Variants in CPNE8 observed in about 807,000 individuals in gnomAD.
CPNE8 encodes copine 8, also known as copine-8.
A neutral mutation model predicts 81.5 loss-of-function variants in CPNE8; 45 were observed. That is an observed-to-expected ratio of 0.55 (90% CI 0.44 to 0.71). CPNE8 has a LOEUF of 0.71. CPNE8 is among the 30% of genes least tolerant of loss of function. CPNE8 has a pLI of 0.00. For missense variants in CPNE8, 594 were observed against 672.1 expected (o/e 0.88, Z 1.28); for synonymous variants, 252 against 226.3 (o/e 1.11, Z -1.02).
intron 6 of CPNE8, among the ~76,000 whole-genome samples, chr12:38,818,629 A>G (rs1175235316): frequency 2.0e-5 from 3 of 152,126 alleles, no homozygotes; most frequent in Non-Finnish European, 4.4e-5. Flanking sequence ...ATGATTTATA[A>G]TCCTTTGGGT....
At chr12:38,660,608 T>C (rs1235056341) in intron 19 of CPNE8, among the ~76,000 whole-genome samples, 3 of 151,980 alleles carry the variant, frequency 2.0e-5, no homozygotes, top group Non-Finnish European at 4.4e-5. Flanking sequence ...AAGCCAAAAT[T>C]GACAAATGGG....
At chr12:38,696,034 G>A (rs1246747831) in intron 14 of CPNE8, among the ~76,000 whole-genome samples, 1 of 152,064 alleles carries the variant, frequency 6.6e-6, no homozygotes, top group African/African-American at 2.4e-5. Context: ...TGACAATATG[G>A]CAAATACTTT....
In CPNE8 at chr12:38,839,897, C is replaced by A; in HGVS notation, c.330+19G>T. ...TCATTGTATTATAATGTTATAAAAACATAAAAATATGAACTTACATGTTTG... is the reference window on the plus strand; with the variant it reads ...TCATTGTATTATAATGTTATAAAAAAATAAAAATATGAACTTACATGTTTG... On this transcript the variant is annotated intron_variant, in intron 5 of 19. Coordinates refer to ENST00000331366, the MANE Select transcript of CPNE8 (RefSeq NM_153634.3). 6.4e-7 allele frequency: 1 copy of A among 1,554,152 alleles called. No homozygotes were observed. The highest frequency in any genetic ancestry group is 1.4e-5 in the African/African-American group (1 of 73,164).
At chr12:38,729,197 C>A (rs1327364025) in intron 11 of CPNE8, among the ~76,000 whole-genome samples, 1 of 152,164 alleles carries the variant, frequency 6.6e-6, no homozygotes, top group African/African-American at 2.4e-5. Flanking sequence ...GTTAGGCAGA[C>A]AAAATAGGTA....
At chr12:38,739,007 T>A (rs1388012951) in intron 10 of CPNE8, among the ~76,000 whole-genome samples, 2 of 151,898 alleles carry the variant, frequency 1.3e-5, no homozygotes, top group African/African-American at 4.8e-5. Flanking sequence ...GAGATGGGGT[T>A]TCACCATGTG....
At chr12:38,730,790 G>A (rs1940813289) in intron 10 of CPNE8, among the ~76,000 whole-genome samples, 1 of 151,584 alleles carries the variant, frequency 6.6e-6, no homozygotes, top group Non-Finnish European at 1.5e-5. Flanking sequence ...CCTATGGCCA[G>A]AGTGTAATAG....
Position 38,892,844 on chromosome 12 carries a change from C to CT in CPNE8, c.98+12592dup, listed in dbSNP as rs558846063. On this transcript the variant is annotated intron_variant, in intron 1 of 19. Transcript: ENST00000331366. ...CACCGATATCTATTCATATCAAACA[C>CT]TGTTCATTTCCATGAATACAGTTTG... Among the ~76,000 whole-genome samples, 69 of 152,274 alleles carry CT rather than the reference C, an allele frequency of 4.5e-4. 3 individuals carry two copies. In the South Asian group the frequency reaches 0.014, roughly 31 times the overall value.
intron 6 of CPNE8, among the ~76,000 whole-genome samples, chr12:38,797,372 G>T (rs572166817): frequency 6.6e-6 from 1 of 152,110 alleles, no homozygotes; most frequent in African/African-American, 2.4e-5. Flanking sequence ...ACTAGCAGAC[G>T]GCAGCATTCG....
chr12:38,734,309 A>G (rs1291946474), intron 10 of CPNE8, among the ~76,000 whole-genome samples: 1 of 152,064 alleles, frequency 6.6e-6, no homozygotes, highest in East Asian at 1.9e-4. Context: ...AATTATATTC[A>G]GCCCCAAAGA....
intron 1 of CPNE8, among the ~76,000 whole-genome samples, chr12:38,878,227 A>C (rs577395449): frequency 1.3e-4 from 20 of 152,314 alleles, no homozygotes; most frequent in South Asian, 8.3e-4. Context: ...TTTCTTTCTT[A>C]ATAAACTTGC....
rs113591330 is a variant in CPNE8, at chr12:38,777,787, C to A, written c.408-1486G>T. 6.0e-3 allele frequency among the ~76,000 whole-genome samples: 915 copies of A among 152,224 alleles called. 13 individuals are homozygous for A. The highest frequency in any genetic ancestry group is 0.021 in the African/African-American group (872 of 41,546). ...AGTAGGCTAGACCAGGGGTCTGCAA[C>A]CCCAGGGCTGCAGAGCACGAGATGA... On this transcript the variant is annotated intron_variant, in intron 6 of 19. Transcript: ENST00000331366.
chr12:38,756,027 G>C, intron 10 of CPNE8, among the ~76,000 whole-genome samples: 1 of 88,982 alleles, frequency 1.1e-5, no homozygotes, highest in South Asian at 4.5e-4. Flanking sequence ...GCGACAGAGC[G>C]AGACTCCGTC....
intron 17 of CPNE8, chr12:38,676,015 C>T (rs1217266035): frequency 6.3e-6 from 1 of 157,966 alleles, no homozygotes; most frequent in Non-Finnish European, 1.3e-5. Context: ...ACTTGGGAGT[C>T]TGAGGTGGAG....
At chr12:38,784,922 C>T (rs190083924) in intron 6 of CPNE8, among the ~76,000 whole-genome samples, 337 of 152,152 alleles carry the variant, frequency 2.2e-3, no homozygotes, top group Non-Finnish European at 4.0e-3. Context: ...TTGCCTGGTG[C>T]GGTGGCTCAC....
chr12:38,800,493 A>G (rs1389282672), intron 6 of CPNE8, among the ~76,000 whole-genome samples: 1 of 30,552 alleles, frequency 3.3e-5, no homozygotes, highest in African/African-American at 6.8e-5. Flanking sequence ...CATCTACACC[A>G]AAAACCCATC....
At chr12:38,723,631 A>T in intron 13 of CPNE8, 141 bp downstream of exon 13, 1 of 667,244 alleles carries the variant, frequency 1.5e-6, no homozygotes, top group Middle Eastern at 2.4e-4. Context: ...TTTTCTTTAT[A>T]TCTGAAACAG....
intron 6 of CPNE8, among the ~76,000 whole-genome samples, chr12:38,827,013 CAAAAAAAA>C (rs56670584): frequency 1.3e-3 from 116 of 91,666 alleles, no homozygotes; most frequent in African/African-American, 4.6e-3. Context: ...ACTAAAAATA[CAAAAAAAA>C]AAAAAAAAAA....
intron 1 of CPNE8, among the ~76,000 whole-genome samples, chr12:38,893,474 T>C (rs575888229): frequency 7.1e-6 from 1 of 141,830 alleles, no homozygotes; most frequent in African/African-American, 2.6e-5. Context: ...ACCCTCTATG[T>C]TCTAAAAAGG....
intron 3 of CPNE8, among the ~76,000 whole-genome samples, chr12:38,871,342 T>C (rs1943989053): frequency 1.3e-5 from 2 of 152,314 alleles, no homozygotes; most frequent in South Asian, 2.1e-4. Flanking sequence ...TCCTGGTTAC[T>C]TTTTGGTGCC....
Sources: gnomAD v4.1 joint callset for allele counts (sites outside exome capture counted in the v4.1 genomes callset) on GRCh38, gnomAD v4.1.1 for gene constraint, MANE v1.5 for transcripts, NCBI Gene and HGNC (gene_info 2026-07-23, HGNC 2026-07-21) for gene names.